UTP18: variants seen among roughly 807,000 people sequenced by gnomAD.
The protein encoded by UTP18 is UTP18 small subunit processome component, also known as U3 small nucleolar RNA-associated protein 18 homolog.
A neutral mutation model predicts 61.1 loss-of-function variants in UTP18; 36 were observed. That is an observed-to-expected ratio of 0.59 (90% confidence interval 0.45 to 0.78). The LOEUF is 0.78. Among genes scored for constraint, UTP18 ranks in the 30% least tolerant of loss-of-function variants. The pLI, the probability that UTP18 is intolerant of heterozygous loss-of-function variation, is 0.00. For synonymous variants in UTP18, 282 were observed against 251.1 expected, an observed-to-expected ratio of 1.12 and a Z score of -1.16; for missense variants, 753 against 693.9, an observed-to-expected ratio of 1.09 and a Z score of -0.96.
intron 5 of UTP18, 85 bp downstream of exon 5, chr17:51,273,535 C>T: frequency 1.1e-6 from 1 of 893,440 alleles, no homozygotes; most frequent in East Asian, 2.7e-5. Flanking sequence ...TGTATGGATT[C>T]CTATTATCTG....
At chr17:51,289,702 A>G (rs1597853892) in intron 11 of UTP18, among the ~76,000 whole-genome samples, 1 of 152,196 alleles carries the variant, frequency 6.6e-6, no homozygotes, top group Non-Finnish European at 1.5e-5. Context: ...TAGCAGAATT[A>G]TGTTTGCTGC....
chr17:51,276,979 G>A, intron 6 of UTP18, 151 bp from the exon 7 acceptor site: 3 of 750,558 alleles, frequency 4.0e-6, no homozygotes, highest in South Asian at 2.0e-5. Flanking sequence ...CATAGGCATG[G>A]TTGATTAAAT....
chr17:51,260,910 G>A lies in UTP18; in HGVS notation c.326G>A (p.Arg109His). ...VENDEDALLRRLRGPRVQEHE... is the reference protein window; with the variant it reads ...VENDEDALLRHLRGPRVQEHE... ...AACGACGAGGACGCGTTGCTGCGGC[G>A]TCTGCGAGGCCCGAGGGTGAGGGAG... The change falls in exon 1 of 14, where the codon CGT (arginine) becomes CAT (histidine). Residue 109 changes from arginine (R) to histidine (H), a missense_variant. Transcript: ENST00000225298. The A allele has an allele frequency of 6.3e-7, 1 of 1,588,858 alleles. No individual in the cohort carries two copies. The highest frequency in any genetic ancestry group is 1.9e-4 in the Middle Eastern group (1 of 5,278).
chr17:51,282,534 A>C (rs1006210868), intron 9 of UTP18, among the ~76,000 whole-genome samples: 18 of 152,210 alleles, frequency 1.2e-4, no homozygotes, highest in Non-Finnish European at 1.8e-4. Flanking sequence ...GGAAAGAAAG[A>C]AAGAAAGAAT....
chr17:51,276,343 TAATA>T lies in UTP18; in HGVS notation c.837+353_837+356del, dbSNP rs547517139. ...GACTTCAGTGTACAAGGAACCATAA[TAATA>T]GGGGATTTGGAGTAAAATTTTTCTT... On this transcript the variant is annotated intron_variant, in intron 6 of 13. Transcript: ENST00000225298. Among the ~76,000 whole-genome samples, 850 of 152,306 alleles carry T rather than the reference TAATA, an allele frequency of 5.6e-3. 7 individuals are homozygous for T. Among genetic ancestry groups the T allele is most frequent in the Admixed American group, 0.01 (156 of 15,292 alleles).
Position 51,275,981 on chromosome 17 carries a change from C to G in UTP18, c.827C>G (p.Ser276Ter). 6.2e-7 allele frequency: 1 copy of G among 1,608,288 alleles called. No homozygotes were observed. Among genetic ancestry groups the G allele is most frequent in the Non-Finnish European group, 8.5e-7 (1 of 1,178,004 alleles). The change falls in exon 6 of 14, where the codon TCA (serine) becomes TGA (stop). Residue 276 changes from serine (S) to a stop codon, truncating the protein, a stop_gained. Transcript: ENST00000225298. LOFTEE classifies it high-confidence loss of function. ...GTTGCTGGATTAGATAATGCTGTAT[C>G]ACTATTTCAGGTATGCATCTTTATT... ...VMVAGLDNAV[S>*]LFQVDGKTNP... is the part of the protein sequence containing the mutation.
chr17:51,280,167 G>A (rs1904865707), intron 8 of UTP18, 62 bp downstream of exon 8: 3 of 1,511,000 alleles, frequency 2.0e-6, no homozygotes, highest in Non-Finnish European at 2.7e-6. Context: ...GGATAGTCTT[G>A]CACCTTAACT....
intron 9 of UTP18, among the ~76,000 whole-genome samples, chr17:51,281,646 G>C (rs1487705370): frequency 6.6e-6 from 1 of 152,262 alleles, no homozygotes; most frequent in Non-Finnish European, 1.5e-5. Flanking sequence ...GTGATGGGAA[G>C]TTTTGTGTCT....
At chr17:51,261,035 C>G (rs1475872975) in intron 1 of UTP18, 109 bp downstream of exon 1, 2 of 1,069,452 alleles carry the variant, frequency 1.9e-6, no homozygotes, top group African/African-American at 3.4e-5. Context: ...GGGGAGCGCT[C>G]AGGTGGGAGG....
intron 10 of UTP18, among the ~76,000 whole-genome samples, chr17:51,286,985 C>CCCT (rs1555556367): frequency 1.3e-5 from 2 of 148,572 alleles, no homozygotes; most frequent in African/African-American, 5.0e-5. Context: ...CCTTCCCCCC[C>CCCT]CGACCCACAG....
At position 51,282,539 on chromosome 17, in the gene UTP18, AAG is replaced by A. The variant is rs1172043200; in HGVS notation, c.1204+2062_1204+2063del. 3.9e-5 allele frequency among the ~76,000 whole-genome samples: 6 copies of A among 152,190 alleles called. No homozygotes were observed. In the East Asian group the frequency reaches 5.8e-4, roughly 15 times the overall value. ...AAGGAAGGAAGGAAAGAAAGAAAGAAAGAATTAGTTCAGAGTAATATTCCTGA... is the reference window on the plus strand; with the variant it reads ...AAGGAAGGAAGGAAAGAAAGAAAGAAAATTAGTTCAGAGTAATATTCCTGA... On this transcript the variant is annotated intron_variant, in intron 9 of 13. Transcript: ENST00000225298.
chr17:51,260,682 C>T lies in UTP18; in HGVS notation c.98C>T (p.Ala33Val), dbSNP rs753137909. ...PGMRPDWKAGAGPGGPPQKPA... is the reference protein window; with the variant it reads ...PGMRPDWKAGVGPGGPPQKPA... ...ATGAGGCCGGACTGGAAAGCCGGAG[C>T]GGGGCCAGGCGGGCCTCCCCAAAAG... is the stretch of plus-strand genomic sequence containing the variant. Residue 33 changes from alanine to valine, a missense_variant, in exon 1 of 14, where the codon GCG becomes GTG. Transcript: ENST00000225298. 4.4e-6 allele frequency: 7 copies of T among 1,608,176 alleles called. No homozygotes were observed. In the South Asian group the frequency reaches 7.7e-5, roughly 18 times the overall value.
intron 12 of UTP18, 92 bp downstream of exon 12, chr17:51,294,137 A>ACTG: frequency 1.8e-6 from 2 of 1,103,680 alleles, no homozygotes; most frequent in Non-Finnish European, 2.4e-6. Flanking sequence ...TCTACAGTTA[A>ACTG]TAAATTCTAG....
intron 10 of UTP18, among the ~76,000 whole-genome samples, chr17:51,287,608 C>G (rs1905149806): frequency 1.3e-5 from 2 of 151,952 alleles, no homozygotes. Context: ...GTGGCCACCC[C>G]CACAAACCTT....
intron 7 of UTP18, 77 bp from the exon 8 acceptor site, chr17:51,279,928 A>G: frequency 8.4e-7 from 1 of 1,197,070 alleles, no homozygotes; most frequent in Admixed American, 2.4e-5. Flanking sequence ...AAAAGTAAGA[A>G]ACTCATTTGT....
intron 6 of UTP18, 123 bp from the exon 7 acceptor site, chr17:51,277,007 T>TAA: frequency 9.9e-7 from 1 of 1,013,794 alleles, no homozygotes; most frequent in Non-Finnish European, 1.4e-6. Context: ...CGTGGCTGCT[T>TAA]AAGTCAGCCT....
intron 11 of UTP18, among the ~76,000 whole-genome samples, chr17:51,293,023 G>A (rs1304340261): frequency 6.6e-6 from 1 of 152,170 alleles, no homozygotes; most frequent in African/African-American, 2.4e-5. Flanking sequence ...ACTTTGCCTA[G>A]GCTTCAGTTA....
intron 11 of UTP18, among the ~76,000 whole-genome samples, chr17:51,290,573 TATACTAGTA>T (rs1885251557): frequency 6.6e-6 from 1 of 152,184 alleles, no homozygotes. Flanking sequence ...ATGGGAGTGG[TATACTAGTA>T]ATATTAACCT....
At chr17:51,267,696 G>A (rs1904346590) in intron 3 of UTP18, among the ~76,000 whole-genome samples, 1 of 152,066 alleles carries the variant, frequency 6.6e-6, no homozygotes, top group Non-Finnish European at 1.5e-5. Flanking sequence ...GCCCCTCAAA[G>A]TCCAGTTGTA....
Sources: gnomAD v4.1 joint callset for allele counts (sites outside exome capture counted in the v4.1 genomes callset) on GRCh38, gnomAD v4.1.1 for gene constraint, MANE v1.5 for transcripts, NCBI Gene and HGNC (gene_info 2026-07-23, HGNC 2026-07-21) for gene names.